Variants in OIT3 observed in about 807,000 individuals in gnomAD.
OIT3 encodes oncoprotein-induced transcript 3 protein.
A neutral mutation model predicts 52.2 loss-of-function variants in OIT3; 41 were observed. The observed-to-expected ratio is 0.79, with a 90% CI of 0.61 to 1.02. The LOEUF is 1.02. OIT3 is among the 50% of genes least tolerant of loss of function. The pLI is 0.00. For synonymous variants in OIT3, 244 were observed against 276.9 expected, an observed-to-expected ratio of 0.88 and a Z score of 1.18; for missense variants, 634 against 715.5, an observed-to-expected ratio of 0.89 and a Z score of 1.30.
At chr10:72,922,462 G>C (rs1169697438) in intron 6 of OIT3, among the ~76,000 whole-genome samples, 3 of 151,788 alleles carry the variant, frequency 2.0e-5, no homozygotes, top group Non-Finnish European at 4.4e-5. Context: ...TCCTCTGCTT[G>C]ATCAATTCTG....
intron 4 of OIT3, 69 bp downstream of exon 4, chr10:72,906,787 C>T: frequency 6.9e-7 from 1 of 1,439,880 alleles, no homozygotes; most frequent in African/African-American, 1.5e-5. Flanking sequence ...CTCTGATGTT[C>T]AGGAAACTGC....
At chr10:72,909,433 T>C (rs1401933747) in intron 4 of OIT3, among the ~76,000 whole-genome samples, 2 of 151,882 alleles carry the variant, frequency 1.3e-5, no homozygotes, top group African/African-American at 4.8e-5. Context: ...TGTGTCTCTT[T>C]TTATATAGTT....
At chr10:72,894,842 C>G (rs546333922) in intron 1 of OIT3, among the ~76,000 whole-genome samples, 1 of 151,884 alleles carries the variant, frequency 6.6e-6, no homozygotes, top group Non-Finnish European at 1.5e-5. Flanking sequence ...GAGCCGAGAT[C>G]GAACCACTGC....
chr10:72,923,273 A>C (rs149816377), intron 6 of OIT3, among the ~76,000 whole-genome samples: 151 of 152,348 alleles, frequency 9.9e-4, no homozygotes, highest in African/African-American at 3.5e-3. Flanking sequence ...CAGATTTTCC[A>C]GTATCTGGTA....
chr10:72,899,094 A>G lies in OIT3; in HGVS notation c.436+56A>G, dbSNP rs926504176. On this transcript the variant is annotated intron_variant, in intron 2 of 8. Transcript: ENST00000334011. ...ACCAACAAGGCCACAGGTGGAGTCCAAAAGTGCCAATTATAGGATATGCAG... is the reference window on the plus strand; with the variant it reads ...ACCAACAAGGCCACAGGTGGAGTCCGAAAGTGCCAATTATAGGATATGCAG... The G allele has an allele frequency of 4.0e-6, 6 of 1,514,848 alleles. No homozygotes were observed. In the African/African-American group the frequency reaches 6.9e-5, roughly 18 times the overall value. 93.8% of individuals were successfully genotyped at this position (1,514,848 alleles called of 1,614,324 possible).
At chr10:72,911,916 C>A in intron 5 of OIT3, 77 bp downstream of exon 5, 1 of 1,363,446 alleles carries the variant, frequency 7.3e-7, no homozygotes, top group Non-Finnish European at 1.0e-6. Context: ...GTCTTCCTCC[C>A]CCAAGTGTGT....
At chr10:72,906,454 T>G in intron 3 of OIT3, 142 bp from the exon 4 acceptor site, 3 of 828,938 alleles carry the variant, frequency 3.6e-6, no homozygotes, top group East Asian at 5.5e-5. Flanking sequence ...TGGATGGGAG[T>G]GATGATACTG....
At chr10:72,913,240 A>C in intron 5 of OIT3, 68 bp from the exon 6 acceptor site, 2 of 1,326,474 alleles carry the variant, frequency 1.5e-6, no homozygotes, top group East Asian at 4.7e-5. Flanking sequence ...GGGTGAAATT[A>C]TTTCTCCTAA....
intron 8 of OIT3, 69 bp downstream of exon 8, chr10:72,930,706 G>A (rs1439281791): frequency 2.1e-6 from 2 of 948,724 alleles, no homozygotes; most frequent in African/African-American, 1.8e-5. Context: ...TGGTGTCCCA[G>A]TGTGTTGACA....
chr10:72,893,827 T>C lies in OIT3; in HGVS notation c.29T>C (p.Leu10Pro). The C allele has an allele frequency of 6.2e-7, 1 of 1,610,844 alleles. No individual in the cohort carries two copies. Among genetic ancestry groups the C allele is most frequent in the Non-Finnish European group, 8.5e-7 (1 of 1,178,640 alleles). MPPFLLLTC[L>P]FITGTSVSPV... ...CCTCCATTCCTGCTTCTCACCTGCC[T>C]CTTCATCACAGGCACCTCCGTGTCA... Residue 10 changes from leucine (L) to proline (P), a missense_variant, in exon 1 of 9, where the codon CTC (leucine) becomes CCC (proline). Transcript: ENST00000334011.
Position 72,906,538 on chromosome 10 carries a change from G to C in OIT3, c.545-58G>C, listed in dbSNP as rs1033113890. 3.6e-5 allele frequency: 58 copies of C among 1,604,446 alleles called. No individual in the cohort carries two copies. In the Middle Eastern group the frequency reaches 1.2e-3, roughly 32 times the overall value. ...AAGATGTGGAAATTCTGCCCGGGGG[G>C]TTGGGAAAAGGCTGAATCACTCAGC... On this transcript the variant is annotated intron_variant, in intron 3 of 8. Transcript: ENST00000334011.
intron 3 of OIT3, 122 bp from the exon 4 acceptor site, chr10:72,906,474 G>C (rs1260899848): frequency 3.9e-6 from 4 of 1,028,044 alleles, no homozygotes; most frequent in Non-Finnish European, 5.9e-6. Context: ...GGATCAGAGG[G>C]GGAGCTGGAT....
chr10:72,905,049 G>A (rs7088858), intron 3 of OIT3, among the ~76,000 whole-genome samples: 2,286 of 152,170 alleles, frequency 0.015, 48 homozygotes, highest in African/African-American at 0.049. Context: ...TTTTAAACAC[G>A]CTGAAACTAA....
At chr10:72,928,466 C>A (rs1004349828) in intron 7 of OIT3, among the ~76,000 whole-genome samples, 2 of 152,258 alleles carry the variant, frequency 1.3e-5, no homozygotes, top group East Asian at 3.9e-4. Context: ...ACCCCTTCTG[C>A]TTCATTTTTT....
chr10:72,914,420 G>A (rs928510626), intron 6 of OIT3, among the ~76,000 whole-genome samples: 3 of 152,158 alleles, frequency 2.0e-5, no homozygotes, highest in Non-Finnish European at 4.4e-5. Context: ...CGATCCTTTG[G>A]TTAAATGAAT....
chr10:72,917,816 A>C, intron 6 of OIT3: 1 of 1,442,290 alleles, frequency 6.9e-7, no homozygotes. Context: ...TTGGTGTTTT[A>C]GGAGTTTTTT....
rs1845921035 is a variant in OIT3 at position 72,900,373 on chromosome 10, A to G, written c.437-4A>G. The G allele has an allele frequency of 6.5e-7, 1 of 1,544,902 alleles. No homozygotes were observed. The highest frequency in any genetic ancestry group is 1.1e-5 in the South Asian group (1 of 89,556). ...TCATGAAGATAATCTTTATTCTTCC[A>G]TAGATTTTTATGACATCTGCGACGA... is the stretch of plus-strand genomic sequence containing the variant. On this transcript the variant is annotated splice_region_variant and splice_polypyrimidine_tract_variant and intron_variant, in intron 2 of 8. Transcript: ENST00000334011.
At chr10:72,906,299 T>G (rs184332992) in intron 3 of OIT3, among the ~76,000 whole-genome samples, 1 of 152,316 alleles carries the variant, frequency 6.6e-6, no homozygotes, top group African/African-American at 2.4e-5. Context: ...AATTCACCAA[T>G]ACAAATAGGT....
intron 3 of OIT3, among the ~76,000 whole-genome samples, chr10:72,904,295 C>T (rs376067270): frequency 3.3e-5 from 5 of 152,266 alleles, no homozygotes; most frequent in East Asian, 3.9e-4. Flanking sequence ...CCGGAGCTCC[C>T]GGCCGAATAA....
Sources: allele counts gnomAD v4.1 joint callset (sites outside exome capture counted in the v4.1 genomes callset), GRCh38; gene constraint gnomAD v4.1.1; transcripts MANE v1.5; gene names NCBI Gene and HGNC (gene_info 2026-07-23, HGNC 2026-07-21).